SYN3: variants seen among roughly 807,000 people sequenced by gnomAD.
The protein encoded by SYN3 is synapsin III.
SYN3 carries 35 observed loss-of-function variants against 65.8 expected under a neutral mutation model. That is an observed-to-expected ratio of 0.53 (90% CI 0.41 to 0.70). SYN3 has a LOEUF of 0.70. Among genes scored for constraint, SYN3 ranks in the 30% least tolerant of loss-of-function variants. The probability of loss-of-function intolerance (pLI) is 0.00; values close to 1 mark genes in which losing one functional copy is unlikely to be tolerated. For synonymous variants in SYN3, 270 were observed against 292.9 expected, an observed-to-expected ratio of 0.92 and a Z score of 0.80; for missense variants, 680 against 749.0, an observed-to-expected ratio of 0.91 and a Z score of 1.08.
At chr22:32,550,797 G>C (rs2058402807) in intron 7 of SYN3, among the ~76,000 whole-genome samples, 2 of 152,000 alleles carry the variant, frequency 1.3e-5, no homozygotes, top group East Asian at 1.9e-4. Context: ...TTGGGGAAAT[G>C]ACTGATTCCA....
intron 6 of SYN3, among the ~76,000 whole-genome samples, chr22:32,639,693 C>T (rs1163386715): frequency 6.6e-6 from 1 of 152,108 alleles, no homozygotes; most frequent in Non-Finnish European, 1.5e-5. Flanking sequence ...ACTATAGGTG[C>T]CACCACAGCT....
At chr22:32,851,136 C>G (rs927924408) in intron 6 of SYN3, among the ~76,000 whole-genome samples, 1 of 152,104 alleles carries the variant, frequency 6.6e-6, no homozygotes, top group Non-Finnish European at 1.5e-5. Context: ...GCAAGAGCAA[C>G]AACAACGCAA....
intron 6 of SYN3, among the ~76,000 whole-genome samples, chr22:32,656,962 TG>T (rs1487818206): frequency 1.3e-4 from 20 of 152,040 alleles, no homozygotes; most frequent in Middle Eastern, 3.2e-3. Flanking sequence ...CCTTGTTGGG[TG>T]GAGAAGAAAG....
intron 6 of SYN3, among the ~76,000 whole-genome samples, chr22:32,604,599 A>T (rs1349591114): frequency 6.6e-6 from 1 of 151,886 alleles, no homozygotes; most frequent in African/African-American, 2.4e-5. Context: ...CTCCGCTGAA[A>T]TTCTGTCCCT....
chr22:32,663,632 G>A (rs2060249650), intron 6 of SYN3, among the ~76,000 whole-genome samples: 1 of 152,050 alleles, frequency 6.6e-6, no homozygotes, highest in Non-Finnish European at 1.5e-5. Flanking sequence ...ACCCAGTCTC[G>A]GGTATGTCTT....
chr22:32,634,834 A>G (rs2059792126), intron 6 of SYN3, among the ~76,000 whole-genome samples: 1 of 152,144 alleles, frequency 6.6e-6, no homozygotes, highest in African/African-American at 2.4e-5. Context: ...AAGCTTGTCC[A>G]ACTTGTGGCC....
At chr22:32,646,989 G>C (rs554620073) in intron 6 of SYN3, among the ~76,000 whole-genome samples, 2 of 152,296 alleles carry the variant, frequency 1.3e-5, no homozygotes, top group African/African-American at 4.8e-5. Context: ...TGCCTTCGCT[G>C]GTTGCTGGGA....
chr22:32,623,614 G>A (rs1400441774), intron 6 of SYN3, among the ~76,000 whole-genome samples: 1 of 152,202 alleles, frequency 6.6e-6, no homozygotes, highest in African/African-American at 2.4e-5. Flanking sequence ...TATGCTCCTG[G>A]ATCCCTGGAA....
At chr22:32,860,355 G>C (rs886392895) in intron 6 of SYN3, 2 of 152,566 alleles carry the variant, frequency 1.3e-5, no homozygotes, top group Non-Finnish European at 2.9e-5. Context: ...ATAGTGTTTA[G>C]CTCACCTAGG....
At chr22:32,728,669 G>A (rs1339496880) in intron 6 of SYN3, among the ~76,000 whole-genome samples, 1 of 152,222 alleles carries the variant, frequency 6.6e-6, no homozygotes, top group Non-Finnish European at 1.5e-5. Context: ...ACAGATGGGT[G>A]TGTTAACAGG....
intron 6 of SYN3, among the ~76,000 whole-genome samples, chr22:32,647,586 A>G (rs1201625458): frequency 1.3e-5 from 2 of 151,798 alleles, no homozygotes; most frequent in Admixed American, 1.3e-4. Context: ...AGCTAGGACT[A>G]CAGATGTGTG....
intron 1 of SYN3, among the ~76,000 whole-genome samples, chr22:33,018,027 G>T (rs2053498954): frequency 6.6e-6 from 1 of 152,168 alleles, no homozygotes; most frequent in Non-Finnish European, 1.5e-5. Flanking sequence ...ATCATGAAGG[G>T]CCATGTTGAA....
At chr22:32,584,726 A>G (rs2058998832) in intron 7 of SYN3, among the ~76,000 whole-genome samples, 1 of 152,206 alleles carries the variant, frequency 6.6e-6, no homozygotes, top group Non-Finnish European at 1.5e-5. Flanking sequence ...TTTAAAACAC[A>G]GTGCCAGAGG....
chr22:32,775,235 T>C (rs942471444), intron 6 of SYN3, among the ~76,000 whole-genome samples: 2 of 152,110 alleles, frequency 1.3e-5, no homozygotes, highest in African/African-American at 2.4e-5. Context: ...GAGTTTCTTC[T>C]TATAAGGACA....
chr22:32,648,754 A>G (rs35793015), intron 6 of SYN3, among the ~76,000 whole-genome samples: 21,765 of 152,226 alleles, frequency 0.14, 2,167 homozygotes, highest in Non-Finnish European at 0.2. Context: ...ACACACACAG[A>G]GTATACGCTG....
At chr22:32,845,182 A>T (rs2146216582) in intron 6 of SYN3, among the ~76,000 whole-genome samples, 1 of 152,166 alleles carries the variant, frequency 6.6e-6, no homozygotes, top group Non-Finnish European at 1.5e-5. Context: ...TGTACCTTGG[A>T]GACTAGTCCT....
At chr22:33,004,024 A>T (rs1356636874) in intron 2 of SYN3, among the ~76,000 whole-genome samples, 5 of 152,242 alleles carry the variant, frequency 3.3e-5, no homozygotes, top group African/African-American at 9.6e-5. Flanking sequence ...CACCTTCCAC[A>T]TGGTGCTGGC....
intron 6 of SYN3, among the ~76,000 whole-genome samples, chr22:32,694,161 C>A (rs909310576): frequency 2.0e-5 from 3 of 152,008 alleles, no homozygotes; most frequent in African/African-American, 7.2e-5. Flanking sequence ...CATTCTTGAA[C>A]TGGTTACCAT....
intron 1 of SYN3, among the ~76,000 whole-genome samples, chr22:33,016,587 T>C (rs975049223): frequency 2.6e-5 from 4 of 152,236 alleles, no homozygotes; most frequent in African/African-American, 4.8e-5. Flanking sequence ...TTTCTGATAA[T>C]AGCCATTCTA....
Sources: gnomAD v4.1 joint callset for allele counts (sites outside exome capture counted in the v4.1 genomes callset) on GRCh38, gnomAD v4.1.1 for gene constraint, MANE v1.5 for transcripts, NCBI Gene and HGNC (gene_info 2026-07-23, HGNC 2026-07-21) for gene names.